ANAPC1: variants seen among roughly 807,000 people sequenced by gnomAD.
ANAPC1 encodes anaphase-promoting complex subunit 1.
ANAPC1 carries 36 observed loss-of-function variants against 208.0 expected under a neutral mutation model. The observed-to-expected ratio is 0.17, with a 90% CI of 0.13 to 0.23. The LOEUF (loss-of-function observed/expected upper bound fraction) is 0.23. Among genes scored for constraint, ANAPC1 ranks in the 10% least tolerant of loss-of-function variants. The pLI, the probability that ANAPC1 is intolerant of heterozygous loss-of-function variation, is 1.00. For synonymous variants in ANAPC1, 378 were observed against 695.2 expected, an observed-to-expected ratio of 0.54 and a Z score of 7.18; for missense variants, 942 against 2,011.6, an observed-to-expected ratio of 0.47 and a Z score of 10.17.
chr2:111,830,803 T>TG (rs1680087934), intron 21 of ANAPC1, among the ~76,000 whole-genome samples: 1 of 152,130 alleles, frequency 6.6e-6, no homozygotes, highest in South Asian at 2.1e-4. Flanking sequence ...AAATGTAAAA[T>TG]GGAAGAGCCA....
chr2:111,810,557 T>C (rs561833149), intron 28 of ANAPC1, among the ~76,000 whole-genome samples: 2 of 150,404 alleles, frequency 1.3e-5, no homozygotes, highest in South Asian at 4.3e-4. Context: ...AGAGCTAAAA[T>C]AGCCAATCTG....
intron 13 of ANAPC1, among the ~76,000 whole-genome samples, chr2:111,851,912 GA>G (rs1681423045): frequency 6.6e-6 from 1 of 152,054 alleles, no homozygotes; most frequent in African/African-American, 2.4e-5. Flanking sequence ...TGTACAAGCT[GA>G]AAACTTGATA....
chr2:111,777,263 A>G (rs537394672), intron 45 of ANAPC1, among the ~76,000 whole-genome samples: 42 of 152,288 alleles, frequency 2.8e-4, no homozygotes, highest in African/African-American at 1.0e-3. Flanking sequence ...ATGGCCCTAC[A>G]TGAGCAGCTT....
chr2:111,792,826 G>A (rs1265215231), intron 37 of ANAPC1, among the ~76,000 whole-genome samples: 3 of 152,018 alleles, frequency 2.0e-5, no homozygotes, highest in African/African-American at 4.8e-5. Context: ...GGTGGCGGGC[G>A]CCTGTGGTCC....
intron 28 of ANAPC1, among the ~76,000 whole-genome samples, chr2:111,810,174 G>C (rs1390126647): frequency 6.6e-6 from 1 of 151,722 alleles, no homozygotes; most frequent in African/African-American, 2.4e-5. Context: ...AAAATTATCA[G>C]GCTAAGTGAA....
intron 17 of ANAPC1, 115 bp downstream of exon 17, chr2:111,843,297 A>G: frequency 1.0e-6 from 1 of 976,018 alleles, no homozygotes; most frequent in Non-Finnish European, 1.5e-6. Context: ...CCTTAATATT[A>G]TTCTATTATT....
At chr2:111,834,317 G>A (rs72823447) in intron 19 of ANAPC1, among the ~76,000 whole-genome samples, 29 of 152,280 alleles carry the variant, frequency 1.9e-4, no homozygotes, top group Non-Finnish European at 3.5e-4. Context: ...CCGCAGTATA[G>A]CCAGTCAGTC....
At chr2:111,871,925 T>C (rs1208042856) in intron 6 of ANAPC1, among the ~76,000 whole-genome samples, 2 of 152,166 alleles carry the variant, frequency 1.3e-5, no homozygotes, top group African/African-American at 4.8e-5. Flanking sequence ...TATATAATCA[T>C]ATTATCAGCA....
intron 39 of ANAPC1, among the ~76,000 whole-genome samples, chr2:111,786,923 C>G (rs953407935): frequency 6.7e-6 from 1 of 148,668 alleles, no homozygotes; most frequent in African/African-American, 2.5e-5. Context: ...CTGAGGCAGG[C>G]GGATCACAAG....
rs191078581 is a variant in ANAPC1 at position 111,880,384 on chromosome 2, T to C, written c.213+229A>G. The stretch of plus-strand genomic sequence containing the variant: ...CAAAACTTCATCTCAAACAAAAAAA[T>C]TGAAAAATAAAAAATAAATAAAACC... On this transcript the variant is annotated intron_variant, in intron 2 of 47. Transcript: ENST00000341068. The C allele has an allele frequency of 4.2e-5, 42 of 1,011,280 alleles. No individual in the cohort carries two copies. The Admixed American group carries it at 1.4e-3, about 33-fold the overall frequency. 62.6% of individuals were successfully genotyped at this position (1,011,280 alleles called of 1,614,324 possible).
chr2:111,864,449 C>CATAT (rs57591480), intron 8 of ANAPC1, among the ~76,000 whole-genome samples: 40,510 of 95,462 alleles, frequency 0.42, 11,142 homozygotes, highest in Non-Finnish European at 0.55. Flanking sequence ...ACTACTCTTT[C>CATAT]ATATATATAT....
chr2:111,767,598 G>C (rs527721731), downstream of ANAPC1: 105 of 149,664 alleles, frequency 7.0e-4, 2 homozygotes, highest in South Asian at 1.7e-3. Context: ...TCTAAAAGCT[G>C]TTCTCCCTTA....
At chr2:111,861,117 C>G (rs1023797677) in intron 10 of ANAPC1, among the ~76,000 whole-genome samples, 1 of 152,138 alleles carries the variant, frequency 6.6e-6, no homozygotes, top group African/African-American at 2.4e-5. Flanking sequence ...ACTCTGTTGC[C>G]CAAGCTGGAG....
rs778087188 is a variant in ANAPC1 at position 111,847,721 on chromosome 2, T to C, written c.1791+4A>G. On this transcript the variant is annotated splice_donor_region_variant and intron_variant, in intron 15 of 47. Transcript: ENST00000341068. ...TTGGAAAGCTACCAAATGTTTATAC[T>C]TACCAGGGTGACTCTGTTATGGACA... 1.3e-6 allele frequency: 2 copies of C among 1,496,140 alleles called. No homozygotes were observed. The highest frequency in any genetic ancestry group is 1.8e-4 in the Middle Eastern group (1 of 5,626). The allele number at this position is 1,496,140 out of a possible 1,614,324, so 92.7% of individuals were successfully genotyped here. A position where few individuals can be genotyped will look rare whatever the true frequency, so the allele number is the denominator to read the frequency against.
At chr2:111,836,377 A>G (rs1484286153) in intron 18 of ANAPC1, among the ~76,000 whole-genome samples, 1 of 151,890 alleles carries the variant, frequency 6.6e-6, no homozygotes, top group African/African-American at 2.4e-5. Context: ...ATTAAAATTC[A>G]CACCTGTAAT....
chr2:111,783,731 G>C (rs560719991), intron 42 of ANAPC1, among the ~76,000 whole-genome samples, 166 bp downstream of exon 42: 1 of 152,278 alleles, frequency 6.6e-6, no homozygotes, highest in Non-Finnish European at 1.5e-5. Context: ...CACAAGTCCT[G>C]TTTCAAAGAT....
chr2:111,868,706 T>C (rs1573505492), intron 6 of ANAPC1, among the ~76,000 whole-genome samples: 1 of 152,112 alleles, frequency 6.6e-6, no homozygotes, highest in East Asian at 1.9e-4. Context: ...AGTTTTTTTG[T>C]ATTTTTAGTA....
intron 38 of ANAPC1, among the ~76,000 whole-genome samples, chr2:111,789,240 C>G (rs1453412131): frequency 8.5e-5 from 11 of 128,866 alleles, no homozygotes; most frequent in African/African-American, 3.1e-4. Context: ...GTTTCATAGA[C>G]TTTTAAAAAT....
intron 10 of ANAPC1, among the ~76,000 whole-genome samples, chr2:111,859,192 G>C (rs1387393407): frequency 6.6e-6 from 1 of 151,948 alleles, no homozygotes; most frequent in Non-Finnish European, 1.5e-5. Flanking sequence ...CTTCTAAAGT[G>C]CTACAGAAGG....
Sources: gnomAD v4.1 joint callset for allele counts (sites outside exome capture counted in the v4.1 genomes callset) on GRCh38, gnomAD v4.1.1 for gene constraint, MANE v1.5 for transcripts, NCBI Gene and HGNC (gene_info 2026-07-23, HGNC 2026-07-21) for gene names.